Variants in XKR9 observed in about 807,000 individuals in gnomAD.
XKR9 encodes XK related 9, also known as XK-related protein 9.
XKR9 carries 32 observed loss-of-function variants against 32.0 expected under a neutral mutation model. The observed-to-expected ratio is 1.00, with a 90% CI of 0.76 to 1.34. The LOEUF (loss-of-function observed/expected upper bound fraction) is 1.34, where lower values mean the gene tolerates loss of function less well. Among genes scored for constraint, XKR9 ranks in the 40% most tolerant of loss-of-function variants. The probability of loss-of-function intolerance (pLI) is 0.00; values close to 1 mark genes in which losing one functional copy is unlikely to be tolerated. For missense variants in XKR9, 546 were observed against 429.7 expected, an observed-to-expected ratio of 1.27 and a Z score of -2.39; for synonymous variants, 168 against 143.4, an observed-to-expected ratio of 1.17 and a Z score of -1.22.
intron 3 of XKR9, among the ~76,000 whole-genome samples, chr8:70,695,426 T>C (rs928650492): frequency 6.7e-6 from 1 of 148,534 alleles, no homozygotes; most frequent in African/African-American, 2.5e-5. Flanking sequence ...GAACATGCAG[T>C]GTTTGGTTTT....
the XKR9 span, among the ~76,000 whole-genome samples, chr8:70,880,515 A>T: frequency 1.3e-5 from 2 of 152,206 alleles, no homozygotes; most frequent in African/African-American, 2.4e-5. Flanking sequence ...GCAAACTCCC[A>T]TTCAGAATTG....
chr8:70,977,357 G>A, the XKR9 span, among the ~76,000 whole-genome samples: 3 of 152,166 alleles, frequency 2.0e-5, no homozygotes, highest in African/African-American at 7.2e-5. Context: ...GATCTTTCCT[G>A]TTTTCTCTTG....
chr8:70,962,085 G>A, the XKR9 span, among the ~76,000 whole-genome samples: 2 of 152,046 alleles, frequency 1.3e-5, no homozygotes, highest in Non-Finnish European at 2.9e-5. Context: ...TATCTAGAGT[G>A]AATCTTTTGA....
the XKR9 span, among the ~76,000 whole-genome samples, chr8:70,936,241 T>C: frequency 6.6e-6 from 1 of 152,086 alleles, no homozygotes. Context: ...AGGCTTTGTG[T>C]TGGAGGACAG....
the XKR9 span, among the ~76,000 whole-genome samples, chr8:70,994,204 C>A: frequency 1.3e-5 from 2 of 152,036 alleles, no homozygotes; most frequent in Admixed American, 1.3e-4. Flanking sequence ...TCCCTGATAC[C>A]CTTGTTTTCT....
the XKR9 span, among the ~76,000 whole-genome samples, chr8:71,056,157 T>G: frequency 6.6e-6 from 1 of 152,208 alleles, no homozygotes; most frequent in South Asian, 2.1e-4. Flanking sequence ...GATTTTAAAT[T>G]TTTGTTGGAA....
At chr8:70,835,858 T>G in the XKR9 span, among the ~76,000 whole-genome samples, 6 of 152,094 alleles carry the variant, frequency 3.9e-5, no homozygotes, top group Admixed American at 1.3e-4. Context: ...AATTTTAGAA[T>G]AGATGATCTC....
At chr8:70,955,950 G>T in the XKR9 span, among the ~76,000 whole-genome samples, 1 of 152,188 alleles carries the variant, frequency 6.6e-6, no homozygotes, top group African/African-American at 2.4e-5. Context: ...TGAGGGGGAC[G>T]TGGTGGCACC....
At chr8:70,962,133 A>G in the XKR9 span, among the ~76,000 whole-genome samples, 1 of 152,154 alleles carries the variant, frequency 6.6e-6, no homozygotes, top group Non-Finnish European at 1.5e-5. Flanking sequence ...ATATTCGTTT[A>G]CTTAAGCTAT....
chr8:70,694,047 T>G (rs1013813363), intron 3 of XKR9, among the ~76,000 whole-genome samples: 3 of 151,924 alleles, frequency 2.0e-5, no homozygotes, highest in Non-Finnish European at 4.4e-5. Flanking sequence ...TGTAACAGTC[T>G]GGGCACTTTT....
chr8:70,886,048 A>G, the XKR9 span, among the ~76,000 whole-genome samples: 3 of 151,500 alleles, frequency 2.0e-5, no homozygotes, highest in East Asian at 5.8e-4. Flanking sequence ...CTAGTCCCCT[A>G]CCCCCGCACA....
At chr8:70,971,851 T>C in the XKR9 span, among the ~76,000 whole-genome samples, 8 of 152,212 alleles carry the variant, frequency 5.3e-5, no homozygotes, top group African/African-American at 1.9e-4. Flanking sequence ...ACCATGCTGT[T>C]GGTGACTATG....
the XKR9 span, among the ~76,000 whole-genome samples, chr8:70,814,682 C>A: frequency 2.0e-5 from 3 of 152,206 alleles, no homozygotes; most frequent in Non-Finnish European, 2.9e-5. Context: ...AAGAACTGGA[C>A]AAGAGAAGGA....
At chr8:71,013,395 A>T in the XKR9 span, among the ~76,000 whole-genome samples, 1 of 152,174 alleles carries the variant, frequency 6.6e-6, no homozygotes, top group Non-Finnish European at 1.5e-5. Context: ...TGGTGGGCAG[A>T]TGGTATTTTG....
the XKR9 span, among the ~76,000 whole-genome samples, chr8:70,858,995 A>T: frequency 6.6e-6 from 1 of 152,144 alleles, no homozygotes; most frequent in Non-Finnish European, 1.5e-5. Context: ...TGAGGCAAAC[A>T]TAGACAAATA....
chr8:70,818,703 G>A, the XKR9 span, among the ~76,000 whole-genome samples: 5 of 152,146 alleles, frequency 3.3e-5, no homozygotes, highest in African/African-American at 1.2e-4. Flanking sequence ...AATTTTGTTT[G>A]TGCTAAATTG....
At chr8:70,911,984 C>T in the XKR9 span, among the ~76,000 whole-genome samples, 1 of 152,124 alleles carries the variant, frequency 6.6e-6, no homozygotes, top group African/African-American at 2.4e-5. Flanking sequence ...GGAGTTAATA[C>T]CTAAGTCAAC....
chr8:71,062,460 A>G, the XKR9 span, among the ~76,000 whole-genome samples: 1 of 152,068 alleles, frequency 6.6e-6, no homozygotes, highest in Non-Finnish European at 1.5e-5. Flanking sequence ...CACCCTCATG[A>G]CATAATCACC....
intron 4 of XKR9, among the ~76,000 whole-genome samples, chr8:70,728,976 G>C (rs1454042058): frequency 6.6e-6 from 1 of 152,162 alleles, no homozygotes; most frequent in Non-Finnish European, 1.5e-5. Flanking sequence ...TCCTAGGCCT[G>C]TTAGAAAGTG....
Sources: allele counts gnomAD v4.1 joint callset (sites outside exome capture counted in the v4.1 genomes callset), GRCh38; gene constraint gnomAD v4.1.1; transcripts MANE v1.5; gene names NCBI Gene and HGNC (gene_info 2026-07-23, HGNC 2026-07-21).